RAPGEF4: variants seen among roughly 807,000 people sequenced by gnomAD.
The protein encoded by RAPGEF4 is RAP guanine-nucleotide-exchange factor (GEF) 4.
Under a neutral mutation model 147.9 loss-of-function variants are expected in RAPGEF4, and 66 were observed. The observed-to-expected ratio is 0.45, with a 90% CI of 0.37 to 0.55. RAPGEF4 has a LOEUF of 0.55. Among genes scored for constraint, RAPGEF4 ranks in the 20% least tolerant of loss-of-function variants. The probability of loss-of-function intolerance (pLI) is 0.00; values close to 1 mark genes in which losing one functional copy is unlikely to be tolerated. For synonymous variants in RAPGEF4, 419 were observed against 442.7 expected, an observed-to-expected ratio of 0.95 and a Z score of 0.67; for missense variants, 1,071 against 1,257.3, an observed-to-expected ratio of 0.85 and a Z score of 2.24.
chr2:172,864,673 G>A (rs1694428312), intron 4 of RAPGEF4, among the ~76,000 whole-genome samples: 1 of 152,244 alleles, frequency 6.6e-6, no homozygotes, highest in Non-Finnish European at 1.5e-5. Context: ...GGAGGCTGAG[G>A]TGGGTGGATC....
In RAPGEF4 at chr2:172,736,044, A is replaced by G; in HGVS notation, c.61A>G (p.Lys21Glu). The G allele has an allele frequency of 7.4e-7, 1 of 1,358,744 alleles. No individual in the cohort carries two copies. The highest frequency in any genetic ancestry group is 9.4e-7 in the Non-Finnish European group (1 of 1,061,696). The allele number at this position is 1,358,744 out of a possible 1,614,324, so 84.2% of individuals were successfully genotyped here. The change falls in exon 1 of 31, where the codon AAA becomes GAA. Residue 21 changes from lysine to glutamate, a missense_variant. Transcript: ENST00000397081. Reference sequence around the variant, plus strand: ...TGCCGAGTGGATCGCCTGCCTGGATAAAAGGTAGCTCGCCGGGGGCCGCAG... The same window carrying G: ...TGCCGAGTGGATCGCCTGCCTGGATGAAAGGTAGCTCGCCGGGGGCCGCAG... The part of the protein sequence containing the change: ...SSAEWIACLD[K>E]RPLERSSEDV...
intron 17 of RAPGEF4, among the ~76,000 whole-genome samples, chr2:173,009,678 A>T (rs981882598): frequency 2.6e-5 from 4 of 152,220 alleles, no homozygotes; most frequent in African/African-American, 9.7e-5. Context: ...TTCAAGTTGG[A>T]ATTTGAATGA....
At chr2:172,858,067 A>G (rs1414996207) in intron 4 of RAPGEF4, among the ~76,000 whole-genome samples, 1 of 152,216 alleles carries the variant, frequency 6.6e-6, no homozygotes, top group African/African-American at 2.4e-5. Flanking sequence ...TCAGAACCAC[A>G]GTTATGGATA....
At chr2:172,859,592 C>T (rs1474707420) in intron 4 of RAPGEF4, among the ~76,000 whole-genome samples, 1 of 152,138 alleles carries the variant, frequency 6.6e-6, no homozygotes, top group Non-Finnish European at 1.5e-5. Context: ...TAAGTCATAG[C>T]TCAATATAGC....
chr2:172,852,806 GA>G (rs1402706570), intron 4 of RAPGEF4, among the ~76,000 whole-genome samples: 1 of 151,890 alleles, frequency 6.6e-6, no homozygotes, highest in African/African-American at 2.4e-5. Context: ...AATTTGATGA[GA>G]GTTTTTTTAA....
At chr2:172,958,655 T>C (rs3769248) in intron 6 of RAPGEF4, among the ~76,000 whole-genome samples, 2,564 of 152,346 alleles carry the variant, frequency 0.017, 48 homozygotes, top group Admixed American at 0.045. Context: ...TCTGTGCTGG[T>C]AAACAGTATG....
At chr2:172,971,694 T>C (rs1176920168) in intron 10 of RAPGEF4, among the ~76,000 whole-genome samples, 1 of 152,104 alleles carries the variant, frequency 6.6e-6, no homozygotes, top group Admixed American at 6.5e-5. Flanking sequence ...AAGTGAAAAG[T>C]AAGGAATCTA....
At chr2:172,884,138 C>A (rs1380995667) in intron 4 of RAPGEF4, among the ~76,000 whole-genome samples, 1 of 152,182 alleles carries the variant, frequency 6.6e-6, no homozygotes, top group Non-Finnish European at 1.5e-5. Context: ...ACCTCCACCC[C>A]AGGACCAGGG....
At chr2:172,957,867 T>C (rs1465770673) in intron 6 of RAPGEF4, among the ~76,000 whole-genome samples, 1 of 152,232 alleles carries the variant, frequency 6.6e-6, no homozygotes. Flanking sequence ...AAAGTTCTGG[T>C]TGAAGCTTGA....
chr2:172,785,933 G>A (rs749952138), intron 1 of RAPGEF4, among the ~76,000 whole-genome samples: 5 of 152,114 alleles, frequency 3.3e-5, no homozygotes, highest in East Asian at 1.9e-4. Flanking sequence ...TGATGAAGGC[G>A]GTGGGCACTC....
intron 12 of RAPGEF4, 58 bp downstream of exon 12, chr2:172,985,551 C>G: frequency 1.3e-6 from 2 of 1,579,270 alleles, no homozygotes; most frequent in Non-Finnish European, 1.7e-6. Context: ...CAAGCACATG[C>G]CACGGGAAGC....
At chr2:172,835,950 G>A (rs1176210789) in intron 4 of RAPGEF4, among the ~76,000 whole-genome samples, 1 of 152,130 alleles carries the variant, frequency 6.6e-6, no homozygotes, top group Non-Finnish European at 1.5e-5. Context: ...GGGTGAGATT[G>A]AGTATCATTC....
rs374840076 is a variant in RAPGEF4 at position 172,755,222 on chromosome 2, T to C, written c.65+19174T>C. ...CTACTGGCCCCATACAGAAACTCTT[T>C]AATTCAGGACCCATAAACATCTAAC... On this transcript the variant is annotated intron_variant, in intron 1 of 30. Coordinates refer to ENST00000397081, the MANE Select transcript of RAPGEF4 (RefSeq NM_007023.4). Among the ~76,000 whole-genome samples the C allele has an allele frequency of 5.2e-4, 79 of 152,288 alleles. No individual in the cohort carries two copies. In the South Asian group the frequency reaches 0.016, roughly 32 times the overall value.
chr2:172,774,379 C>T (rs901789711), intron 1 of RAPGEF4, among the ~76,000 whole-genome samples: 3 of 152,182 alleles, frequency 2.0e-5, no homozygotes. Flanking sequence ...AATGCTGCCC[C>T]AATTGGGTCC....
intron 4 of RAPGEF4, among the ~76,000 whole-genome samples, chr2:172,878,756 G>A: frequency 6.6e-6 from 1 of 152,288 alleles, no homozygotes. Context: ...GGGCAACAAT[G>A]TGTATAGGCG....
intron 6 of RAPGEF4, among the ~76,000 whole-genome samples, chr2:172,926,066 G>T (rs1410927169): frequency 7.1e-6 from 1 of 140,596 alleles, no homozygotes; most frequent in East Asian, 2.2e-4. Flanking sequence ...AGGGAGGGAA[G>T]TCAGGCAGGC....
chr2:172,945,606 A>T (rs554511160), intron 6 of RAPGEF4, among the ~76,000 whole-genome samples: 21 of 152,158 alleles, frequency 1.4e-4, no homozygotes, highest in Admixed American at 1.4e-3. Context: ...ATTATTTTTA[A>T]TTCAAAGTGT....
chr2:173,051,872 C>A lies in RAPGEF4; in HGVS notation c.*105C>A. ...ATTGCCACTAGAGAATTCTACAAAA[C>A]AAGCAAAAACACATCCTGAGACACC... On this transcript the variant is annotated 3_prime_UTR_variant, in exon 31 of 31. Transcript: ENST00000397081. 3 of 1,342,710 alleles carry A rather than the reference C, an allele frequency of 2.2e-6. No individual in the cohort carries two copies. The highest frequency in any genetic ancestry group is 2.0e-5 in the Admixed American group (1 of 50,558). 83.2% of individuals were successfully genotyped at this position (1,342,710 alleles called of 1,614,324 possible).
intron 1 of RAPGEF4, among the ~76,000 whole-genome samples, chr2:172,739,968 AT>A (rs1474547063): frequency 1.3e-5 from 2 of 152,344 alleles, no homozygotes; most frequent in African/African-American, 4.8e-5. Flanking sequence ...GAAGATCAGT[AT>A]TTTGTGACCC....
Sources: allele counts gnomAD v4.1 joint callset (sites outside exome capture counted in the v4.1 genomes callset), GRCh38; gene constraint gnomAD v4.1.1; transcripts MANE v1.5; gene names NCBI Gene and HGNC (gene_info 2026-07-23, HGNC 2026-07-21).